ANKS1B: variants seen among roughly 807,000 people sequenced by gnomAD.
ANKS1B encodes the protein ankyrin repeat and sterile alpha motif domain containing 1B.
ANKS1B carries 36 observed loss-of-function variants against 148.3 expected under a neutral mutation model. The ratio of observed to expected loss-of-function variants is 0.24; its 90% CI spans 0.19 to 0.32. ANKS1B has a LOEUF of 0.32. ANKS1B is among the 10% of genes least tolerant of loss of function. ANKS1B has a pLI of 1.00. For synonymous variants in ANKS1B, 542 were observed against 560.8 expected (o/e 0.97, Z 0.47); for missense variants, 1,157 against 1,542.6 (o/e 0.75, Z 4.19).
chr12:99,058,854 C>T (rs1425418687), intron 16 of ANKS1B, among the ~76,000 whole-genome samples: 1 of 149,642 alleles, frequency 6.7e-6, no homozygotes, highest in African/African-American at 2.5e-5. Context: ...TCTCCTGCCT[C>T]AGCCTCCCGA....
chr12:99,417,683 A>G (rs1355340108), intron 11 of ANKS1B, among the ~76,000 whole-genome samples: 1 of 152,124 alleles, frequency 6.6e-6, no homozygotes, highest in African/African-American at 2.4e-5. Context: ...ATAAACAGGT[A>G]TGTCTTTCCA....
intron 16 of ANKS1B, among the ~76,000 whole-genome samples, chr12:99,083,046 G>A (rs10745840): frequency 0.57 from 87,000 of 151,808 alleles, 25,581 homozygotes; most frequent in East Asian, 0.75. Flanking sequence ...TGGTTCTAAG[G>A]ATGTTTTATT....
At chr12:99,948,547 T>C (rs937858171) in intron 1 of ANKS1B, among the ~76,000 whole-genome samples, 1 of 152,214 alleles carries the variant, frequency 6.6e-6, no homozygotes, top group African/African-American at 2.4e-5. Context: ...GCACCTAGCG[T>C]AGCCTTGCAC....
At chr12:99,754,657 C>T (rs904449995) in intron 8 of ANKS1B, among the ~76,000 whole-genome samples, 10 of 152,104 alleles carry the variant, frequency 6.6e-5, no homozygotes. Context: ...TCTCTCAGAC[C>T]ACAGTGCAAT....
intron 17 of ANKS1B, among the ~76,000 whole-genome samples, chr12:98,867,058 T>C (rs1026987940): frequency 6.6e-6 from 1 of 152,162 alleles, no homozygotes; most frequent in Non-Finnish European, 1.5e-5. Context: ...GATGCATAAA[T>C]AGGGAAAAAC....
chr12:98,776,309 T>G (rs2098673745), intron 24 of ANKS1B, among the ~76,000 whole-genome samples: 1 of 152,210 alleles, frequency 6.6e-6, no homozygotes, highest in African/African-American at 2.4e-5. Flanking sequence ...TAAAAAGTGA[T>G]GTCATGAAGA....
intron 17 of ANKS1B, among the ~76,000 whole-genome samples, chr12:99,029,508 T>C (rs2099950717): frequency 6.6e-6 from 1 of 152,214 alleles, no homozygotes; most frequent in Non-Finnish European, 1.5e-5. Flanking sequence ...GTTATCTTTC[T>C]CCCCATGTAC....
In ANKS1B at chr12:99,475,030, A is replaced by T. The variant is rs1000295695; in HGVS notation, c.1438+29446T>A. On this transcript the variant is annotated intron_variant, in intron 10 of 26. Coordinates refer to ENST00000683438, the MANE Select transcript of ANKS1B (RefSeq NM_001352186.2). ...GGTGGGCAGATAATTTTAGGTCAGG[A>T]GTTTGAGATCAGCCTGGCCAACATG... Among the ~76,000 whole-genome samples the T allele has an allele frequency of 5.9e-5, 9 of 151,912 alleles. No homozygotes were observed. In the South Asian group the frequency reaches 1.7e-3, roughly 28 times the overall value.
At chr12:99,682,106 T>C (rs1185719102) in intron 8 of ANKS1B, among the ~76,000 whole-genome samples, 1 of 152,152 alleles carries the variant, frequency 6.6e-6, no homozygotes, top group African/African-American at 2.4e-5. Context: ...CCCAAATTTA[T>C]AAAGCAATTA....
chr12:99,519,802 C>T (rs10161187), intron 9 of ANKS1B, among the ~76,000 whole-genome samples: 17,664 of 151,956 alleles, frequency 0.12, 2,376 homozygotes, highest in African/African-American at 0.33. Flanking sequence ...TTAATTTCTT[C>T]CTTTTTATTT....
At chr12:99,202,820 T>C (rs964608435) in intron 14 of ANKS1B, among the ~76,000 whole-genome samples, 30 of 152,202 alleles carry the variant, frequency 2.0e-4, no homozygotes, top group Non-Finnish European at 2.9e-5. Context: ...ACTGGTGTGG[T>C]TGTATACCAC....
chr12:98,927,407 A>G (rs1006711597), intron 17 of ANKS1B, among the ~76,000 whole-genome samples: 1 of 152,158 alleles, frequency 6.6e-6, no homozygotes, highest in Non-Finnish European at 1.5e-5. Context: ...ACATGAAAAA[A>G]TAAAGAGTAC....
chr12:99,527,079 G>C (rs182760180), intron 9 of ANKS1B, among the ~76,000 whole-genome samples: 225 of 152,222 alleles, frequency 1.5e-3, no homozygotes, highest in Non-Finnish European at 2.0e-3. Context: ...ACCTCAGAAG[G>C]AACCAGTCCT....
At chr12:99,648,542 T>G in intron 9 of ANKS1B, 1 of 1,614,132 alleles carries the variant, frequency 6.2e-7, no homozygotes, top group Non-Finnish European at 8.5e-7. Flanking sequence ...CTGCTTCCCT[T>G]GATGTTTGTG....
chr12:98,920,462 A>C (rs558067809), intron 17 of ANKS1B, among the ~76,000 whole-genome samples: 1 of 152,330 alleles, frequency 6.6e-6, no homozygotes, highest in East Asian at 1.9e-4. Flanking sequence ...CCTCACAATC[A>C]TGGTGGAAGG....
intron 1 of ANKS1B, among the ~76,000 whole-genome samples, chr12:99,966,325 T>C (rs1030452638): frequency 6.6e-6 from 1 of 152,094 alleles, no homozygotes; most frequent in African/African-American, 2.4e-5. Flanking sequence ...TTGCAAATGG[T>C]TCGGGGAAAA....
intron 8 of ANKS1B, among the ~76,000 whole-genome samples, chr12:99,683,411 C>A (rs1439995586): frequency 6.6e-6 from 1 of 151,796 alleles, no homozygotes; most frequent in Admixed American, 6.6e-5. Context: ...AATATACAAC[C>A]ATCCTAGATT....
intron 8 of ANKS1B, among the ~76,000 whole-genome samples, chr12:99,672,044 C>T (rs2098540688): frequency 6.6e-6 from 1 of 152,014 alleles, no homozygotes; most frequent in African/African-American, 2.4e-5. Flanking sequence ...AAGACAAGTT[C>T]AAAAACATGG....
At chr12:99,981,997 T>C (rs753456323) in intron 1 of ANKS1B, among the ~76,000 whole-genome samples, 1 of 152,152 alleles carries the variant, frequency 6.6e-6, no homozygotes, top group South Asian at 2.1e-4. Context: ...TTCTTAGGAA[T>C]GTCATTTTAT....
Sources: gnomAD v4.1 joint callset for allele counts (sites outside exome capture counted in the v4.1 genomes callset) on GRCh38, gnomAD v4.1.1 for gene constraint, MANE v1.5 for transcripts, NCBI Gene and HGNC (gene_info 2026-07-23, HGNC 2026-07-21) for gene names.